SLC5A7: variants seen among roughly 807,000 people sequenced by gnomAD.
SLC5A7 encodes the protein high affinity choline transporter 1.
In SLC5A7, 19 loss-of-function variants were observed where a neutral mutation model predicts 55.4. The observed-to-expected ratio is 0.34, with a 90% CI of 0.24 to 0.50. The LOEUF (loss-of-function observed/expected upper bound fraction) is 0.50, where lower values mean the gene tolerates loss of function less well. SLC5A7 is among the 20% of genes least tolerant of loss of function. The pLI is 0.98. For missense variants in SLC5A7, 506 were observed against 705.3 expected, an observed-to-expected ratio of 0.72 and a Z score of 3.20; for synonymous variants, 265 against 263.7, an observed-to-expected ratio of 1.00 and a Z score of -0.05.
intron 1 of SLC5A7, 58 bp from the exon 2 acceptor site, chr2:107,988,047 C>A: frequency 8.9e-7 from 1 of 1,122,944 alleles, no homozygotes; most frequent in Non-Finnish European, 1.3e-6. Context: ...TTATTCCTGG[C>A]TGCCTACATG....
chr2:107,996,036 C>T (rs2104350280), intron 4 of SLC5A7, among the ~76,000 whole-genome samples: 1 of 152,110 alleles, frequency 6.6e-6, no homozygotes, highest in Non-Finnish European at 1.5e-5. Flanking sequence ...CTCTGAGTTA[C>T]AGTTAAGTGA....
chr2:108,004,000 C>G (rs1678013807), intron 6 of SLC5A7, among the ~76,000 whole-genome samples: 1 of 152,156 alleles, frequency 6.6e-6, no homozygotes. Context: ...CTGACCTCTT[C>G]TTAAAAGGGC....
chr2:108,001,440 G>C (rs1340428085), intron 5 of SLC5A7, among the ~76,000 whole-genome samples: 1 of 152,094 alleles, frequency 6.6e-6, no homozygotes, highest in Non-Finnish European at 1.5e-5. Context: ...TTGGGAGGCC[G>C]AGGCGGGCGG....
intron 2 of SLC5A7, among the ~76,000 whole-genome samples, chr2:107,989,973 C>A (rs1274825375): frequency 6.6e-6 from 1 of 151,934 alleles, no homozygotes; most frequent in Non-Finnish European, 1.5e-5. Context: ...TTCCTCAGTT[C>A]GTAAAACTTT....
At position 107,988,238 on chromosome 2, in the gene SLC5A7, GAACCAAAA is replaced by G; in HGVS notation, c.85_92del (p.Thr29GlnfsTer42). On this transcript the variant is annotated frameshift_variant, in exon 2 of 9. Transcript: ENST00000264047. LOFTEE classifies it high-confidence loss of function. ...CTGGTTGGAATATGGGCTGCCTGGA[GAACCAAAA>G]ACAGTGGCAGCGCAGAAGAGCGCAG... 1.2e-6 allele frequency: 2 copies of G among 1,614,178 alleles called. No individual in the cohort carries two copies. Among genetic ancestry groups the G allele is most frequent in the Non-Finnish European group, 1.7e-6 (2 of 1,179,990 alleles).
intron 5 of SLC5A7, among the ~76,000 whole-genome samples, chr2:107,999,066 C>T (rs1408837151): frequency 1.3e-5 from 2 of 152,140 alleles, no homozygotes; most frequent in African/African-American, 4.8e-5. Flanking sequence ...TTTACATACG[C>T]TAGCAAAGAT....
intron 5 of SLC5A7, among the ~76,000 whole-genome samples, chr2:108,001,421 C>G (rs1031334812): frequency 2.6e-5 from 4 of 152,172 alleles, no homozygotes; most frequent in Admixed American, 2.6e-4. Flanking sequence ...CGCCTGTAAT[C>G]CCAGCACTTT....
chr2:107,988,736 G>A (rs1364098396), intron 2 of SLC5A7, among the ~76,000 whole-genome samples: 1 of 152,134 alleles, frequency 6.6e-6, no homozygotes, highest in African/African-American at 2.4e-5. Flanking sequence ...CATGCATAAA[G>A]TTGTGACTTT....
At chr2:107,993,890 T>G (rs1677552446) in intron 4 of SLC5A7, among the ~76,000 whole-genome samples, 1 of 152,250 alleles carries the variant, frequency 6.6e-6, no homozygotes, top group African/African-American at 2.4e-5. Context: ...ACTTGAAATA[T>G]TTCCATAAAT....
chr2:108,001,333 T>C (rs2104362249), intron 5 of SLC5A7, among the ~76,000 whole-genome samples: 1 of 152,302 alleles, frequency 6.6e-6, no homozygotes, highest in East Asian at 1.9e-4. Context: ...AGAGGTTTTA[T>C]GTTGCTGCTG....
intron 2 of SLC5A7, among the ~76,000 whole-genome samples, chr2:107,991,748 T>C (rs1294445313): frequency 6.6e-6 from 1 of 152,118 alleles, no homozygotes; most frequent in Non-Finnish European, 1.5e-5. Context: ...AAAATGCTGC[T>C]GACTCAATGC....
intron 1 of SLC5A7, among the ~76,000 whole-genome samples, chr2:107,986,975 A>AGGGGGCCGAGGAAG (rs1677268841): frequency 1.3e-5 from 2 of 151,890 alleles, no homozygotes; most frequent in Non-Finnish European, 2.9e-5. Context: ...GGCCGAGGAA[A>AGGGGGCCGAGGAAG]GGCCGCAGGG....
chr2:108,007,372 C>A (rs1678164853), intron 7 of SLC5A7, among the ~76,000 whole-genome samples: 1 of 151,170 alleles, frequency 6.6e-6, no homozygotes, highest in African/African-American at 2.4e-5. Context: ...ACAGACACTT[C>A]AAAAATGTAA....
chr2:107,993,849 A>G (rs796251201), intron 4 of SLC5A7, among the ~76,000 whole-genome samples: 9 of 152,380 alleles, frequency 5.9e-5, no homozygotes, highest in African/African-American at 2.2e-4. Flanking sequence ...CAGAATAGGT[A>G]AGTAATGTAA....
At chr2:107,987,166 A>G (rs1191950968) in intron 1 of SLC5A7, among the ~76,000 whole-genome samples, 1 of 151,894 alleles carries the variant, frequency 6.6e-6, no homozygotes, top group Non-Finnish European at 1.5e-5. Flanking sequence ...TCCCCCAGAA[A>G]CTTGTATGTG....
chr2:107,993,172 A>C (rs1558860759), intron 4 of SLC5A7, 45 bp downstream of exon 4: 1 of 1,607,276 alleles, frequency 6.2e-7, no homozygotes, highest in Non-Finnish European at 8.5e-7. Flanking sequence ...GTAGTTAACT[A>C]AACATCAGAT....
chr2:108,001,825 G>A, intron 5 of SLC5A7, 72 bp from the exon 6 acceptor site: 1 of 1,527,290 alleles, frequency 6.5e-7, no homozygotes, highest in Non-Finnish European at 9.0e-7. Context: ...AGTGTGTGAG[G>A]TGTACAAATC....
chr2:107,999,289 AT>A (rs1272999422), intron 5 of SLC5A7, among the ~76,000 whole-genome samples: 1 of 152,234 alleles, frequency 6.6e-6, no homozygotes, highest in Non-Finnish European at 1.5e-5. Context: ...GAACATAGAA[AT>A]AAATCCCTCT....
In SLC5A7 at chr2:107,988,250, G is replaced by A. The variant is rs1324491054; in HGVS notation, c.95G>A (p.Ser32Asn). The A allele has an allele frequency of 6.2e-7, 1 of 1,614,092 alleles. No homozygotes were observed. The highest frequency in any genetic ancestry group is 8.5e-7 in the Non-Finnish European group (1 of 1,180,036). The change falls in exon 2 of 9, where the codon AGT becomes AAT. Residue 32 changes from serine (S) to asparagine (N), a missense_variant. Physicochemically the swap from Ser to Asn is conservative, Grantham distance 46. This residue lies in a region of SLC5A7 where 56 missense variants were observed against 62.6 expected (regional missense o/e 0.89). Coordinates refer to ENST00000264047, the MANE Select transcript of SLC5A7 (RefSeq NM_021815.5). ...TGGGCTGCCTGGAGAACCAAAAACAGTGGCAGCGCAGAAGAGCGCAGCGAA... is the reference window on the plus strand; with the variant it reads ...TGGGCTGCCTGGAGAACCAAAAACAATGGCAGCGCAGAAGAGCGCAGCGAA... ...GIWAAWRTKN[S>N]GSAEERSEAI...
Sources: allele counts gnomAD v4.1 joint callset (sites outside exome capture counted in the v4.1 genomes callset), GRCh38; gene constraint gnomAD v4.1.1; regional missense constraint gnomAD v4.1.1; transcripts MANE v1.5; gene names NCBI Gene and HGNC (gene_info 2026-07-23, HGNC 2026-07-21).